ETS1: variants seen among roughly 807,000 people sequenced by gnomAD.
ETS1 encodes ETS proto-oncogene 1, transcription factor, also known as protein C-ets-1.
A neutral mutation model predicts 58.6 loss-of-function variants in ETS1; 15 were observed. The ratio of observed to expected loss-of-function variants is 0.26; its 90% CI spans 0.17 to 0.39. ETS1 has a LOEUF of 0.39. Among genes scored for constraint, ETS1 ranks in the 10% least tolerant of loss-of-function variants. ETS1 has a pLI of 1.00. For missense variants in ETS1, 417 were observed against 610.5 expected (o/e 0.68, Z 3.34); for synonymous variants, 214 against 218.2 (o/e 0.98, Z 0.17).
chr11:128,498,253 TA>T (rs950044918), intron 3 of ETS1, among the ~76,000 whole-genome samples: 14 of 150,822 alleles, frequency 9.3e-5, no homozygotes, highest in African/African-American at 2.4e-4. Context: ...TATAAAGACT[TA>T]AAAAAAAAGA....
chr11:128,508,501 G>A (rs1863302006), intron 3 of ETS1, among the ~76,000 whole-genome samples: 1 of 152,130 alleles, frequency 6.6e-6, no homozygotes, highest in Non-Finnish European at 1.5e-5. Context: ...CTCCAGTGAG[G>A]AATATCATTA....
intron 3 of ETS1, among the ~76,000 whole-genome samples, chr11:128,525,508 A>G (rs906821016): frequency 2.0e-5 from 3 of 151,724 alleles, no homozygotes; most frequent in Non-Finnish European, 4.4e-5. Context: ...GTTTTGAGCT[A>G]AAATATGCTT....
intron 7 of ETS1, among the ~76,000 whole-genome samples, chr11:128,483,846 G>C (rs995829191): frequency 6.6e-6 from 1 of 152,194 alleles, no homozygotes; most frequent in African/African-American, 2.4e-5. Context: ...GCCCCAGCCT[G>C]ACATCTGACC....
chr11:128,533,760 C>T (rs1426434802), intron 3 of ETS1, among the ~76,000 whole-genome samples: 2 of 152,216 alleles, frequency 1.3e-5, no homozygotes, highest in East Asian at 3.8e-4. Flanking sequence ...TCCAATGGGG[C>T]GCTTACGTTA....
chr11:128,523,435 T>C (rs1482634977), intron 3 of ETS1, among the ~76,000 whole-genome samples: 1 of 152,256 alleles, frequency 6.6e-6, no homozygotes, highest in East Asian at 1.9e-4. Context: ...AGCTCCATCT[T>C]TGATTAACAG....
chr11:128,510,125 T>G (rs1412574553), intron 3 of ETS1, among the ~76,000 whole-genome samples: 1 of 152,204 alleles, frequency 6.6e-6, no homozygotes, highest in Admixed American at 6.5e-5. Context: ...TAAGGATGCA[T>G]TTCCTGTACA....
At chr11:128,462,955 G>A (rs1284240886) in intron 9 of ETS1, among the ~76,000 whole-genome samples, 1 of 152,222 alleles carries the variant, frequency 6.6e-6, no homozygotes, top group African/African-American at 2.4e-5. Flanking sequence ...GTGAAGCGGA[G>A]GAGCTGAGCT....
At chr11:128,502,540 C>T (rs1863118745) in intron 3 of ETS1, among the ~76,000 whole-genome samples, 1 of 152,190 alleles carries the variant, frequency 6.6e-6, no homozygotes, top group Non-Finnish European at 1.5e-5. Context: ...AAGTTCCCTC[C>T]TCATTTCTTT....
chr11:128,570,238 C>CTTTTTTT (rs200310590), intron 2 of ETS1, among the ~76,000 whole-genome samples: 1 of 135,492 alleles, frequency 7.4e-6, no homozygotes, highest in African/African-American at 2.7e-5. Flanking sequence ...TTTTCTTTTC[C>CTTTTTTT]TTTTTTTTTT....
At chr11:128,537,321 G>A (rs1178370803) in intron 3 of ETS1, among the ~76,000 whole-genome samples, 1 of 152,166 alleles carries the variant, frequency 6.6e-6, no homozygotes, top group African/African-American at 2.4e-5. Flanking sequence ...TGTAGGGGGA[G>A]AGGGAGGGAA....
chr11:128,539,042 G>A (rs1864016391), intron 3 of ETS1, among the ~76,000 whole-genome samples: 2 of 152,192 alleles, frequency 1.3e-5, no homozygotes, highest in Non-Finnish European at 2.9e-5. Context: ...GTGCATAAAA[G>A]TTAACTCTAA....
At chr11:128,517,753 G>T (rs749050582) in intron 3 of ETS1, among the ~76,000 whole-genome samples, 2 of 152,182 alleles carry the variant, frequency 1.3e-5, no homozygotes, top group African/African-American at 2.4e-5. Flanking sequence ...AGTTTGCAGA[G>T]ATTTGATGGA....
chr11:128,564,247 G>A (rs1864453077), intron 2 of ETS1, among the ~76,000 whole-genome samples: 1 of 152,164 alleles, frequency 6.6e-6, no homozygotes, highest in Non-Finnish European at 1.5e-5. Flanking sequence ...CAGCCACCAG[G>A]AGAAGCAGGA....
chr11:128,517,006 C>A (rs1159669084), intron 3 of ETS1, among the ~76,000 whole-genome samples: 2 of 152,180 alleles, frequency 1.3e-5, no homozygotes, highest in Non-Finnish European at 2.9e-5. Context: ...GAGCCAAGGC[C>A]ATATGGAAGA....
At chr11:128,534,492 C>T (rs1263553691) in intron 3 of ETS1, among the ~76,000 whole-genome samples, 1 of 152,112 alleles carries the variant, frequency 6.6e-6, no homozygotes, top group East Asian at 1.9e-4. Context: ...TAAACATATG[C>T]CATGGGTGGT....
intron 3 of ETS1, among the ~76,000 whole-genome samples, chr11:128,540,136 A>T (rs1194956642): frequency 1.3e-5 from 2 of 152,118 alleles, no homozygotes; most frequent in African/African-American, 4.8e-5. Flanking sequence ...ACATGGTGAA[A>T]CCTTGTCTCT....
chr11:128,545,024 G>GC (rs1465609171), intron 3 of ETS1, among the ~76,000 whole-genome samples: 1 of 146,520 alleles, frequency 6.8e-6, no homozygotes, highest in Non-Finnish European at 1.5e-5. Context: ...GTTGGGGGTG[G>GC]GGGGGGCAGT....
chr11:128,552,263 AATAG>A (rs2135553791), intron 3 of ETS1, among the ~76,000 whole-genome samples: 1 of 152,270 alleles, frequency 6.6e-6, no homozygotes, highest in East Asian at 1.9e-4. Context: ...TACTACACTA[AATAG>A]ATGTCCTTTC....
At chr11:128,466,075 C>T (rs1257615924) in intron 8 of ETS1, among the ~76,000 whole-genome samples, 1 of 152,256 alleles carries the variant, frequency 6.6e-6, no homozygotes, top group African/African-American at 2.4e-5. Flanking sequence ...CTCTCCCCTA[C>T]TTCTCACAGC....
Sources: gnomAD v4.1 joint callset for allele counts (sites outside exome capture counted in the v4.1 genomes callset) on GRCh38, gnomAD v4.1.1 for gene constraint, MANE v1.5 for transcripts, NCBI Gene and HGNC (gene_info 2026-07-23, HGNC 2026-07-21) for gene names.